The following YAP1 variants were observed in gnomAD, a reference collection of about 807,000 sequenced individuals.
YAP1 encodes transcriptional coactivator YAP1.
Under a neutral mutation model 56.9 loss-of-function variants are expected in YAP1, and 5 were observed. The ratio of observed to expected loss-of-function variants is 0.09; its 90% CI spans 0.05 to 0.18. The LOEUF is 0.18. Among genes scored for constraint, YAP1 ranks in the 10% least tolerant of loss-of-function variants. The probability of loss-of-function intolerance (pLI) is 1.00; values close to 1 mark genes in which losing one functional copy is unlikely to be tolerated. For missense variants in YAP1, 539 were observed against 651.8 expected (o/e 0.83, Z 1.88); for synonymous variants, 265 against 248.1 (o/e 1.07, Z -0.64).
chr11:102,139,956 T>C (rs1196846135), intron 2 of YAP1, among the ~76,000 whole-genome samples: 2 of 152,198 alleles, frequency 1.3e-5, no homozygotes, highest in African/African-American at 4.8e-5. Context: ...TATCTGAATT[T>C]GGCTGGAAAA....
chr11:102,116,559 C>G lies in YAP1; in HGVS notation c.572+2165C>G, dbSNP rs191752488. Among the ~76,000 whole-genome samples, 9 of 152,222 alleles carry G rather than the reference C, an allele frequency of 5.9e-5. No individual in the cohort carries two copies. In the East Asian group the frequency reaches 1.7e-3, roughly 29 times the overall value. ...CCAACCCCAGTCACCTCAATTCACC[C>G]CTGTCAACTATGGGCCTGTAAGGAA... is the stretch of plus-strand genomic sequence containing the variant. On this transcript the variant is annotated intron_variant, in intron 2 of 8. Transcript: ENST00000282441.
intron 2 of YAP1, among the ~76,000 whole-genome samples, chr11:102,138,094 C>T (rs1442032329): frequency 1.3e-5 from 2 of 152,168 alleles, no homozygotes; most frequent in African/African-American, 4.8e-5. Context: ...GCCATGTTGG[C>T]CAGGCTGGTC....
At chr11:102,113,133 A>T (rs969430573) in intron 1 of YAP1, among the ~76,000 whole-genome samples, 1 of 152,210 alleles carries the variant, frequency 6.6e-6, no homozygotes, top group Non-Finnish European at 1.5e-5. Context: ...GACTCTACTG[A>T]GTCCTTCCAG....
chr11:102,112,425 C>CTTTTTTTT (rs751339753), intron 1 of YAP1: 17 of 827,350 alleles, frequency 2.1e-5, no homozygotes, highest in African/African-American at 9.7e-5. Context: ...ATTTCTTCTT[C>CTTTTTTTT]TTTTTTTTTT....
intron 6 of YAP1, among the ~76,000 whole-genome samples, chr11:102,218,712 A>AT (rs1163900013): frequency 3.7e-4 from 56 of 152,280 alleles, no homozygotes; most frequent in African/African-American, 1.3e-3. Flanking sequence ...GTGTTTCCAT[A>AT]GCCCTTCAAG....
intron 8 of YAP1, among the ~76,000 whole-genome samples, chr11:102,229,406 C>T (rs577515393): frequency 1.3e-5 from 2 of 152,212 alleles, no homozygotes; most frequent in South Asian, 2.1e-4. Flanking sequence ...TTCTTTCTCC[C>T]GCTGCTGCAT....
intron 4 of YAP1, among the ~76,000 whole-genome samples, chr11:102,194,691 T>A (rs1347134588): frequency 1.3e-5 from 2 of 152,146 alleles, no homozygotes; most frequent in Non-Finnish European, 2.9e-5. Flanking sequence ...GGGAGGTTTT[T>A]CAAAAAGGCA....
intron 1 of YAP1, 67 bp downstream of exon 1, chr11:102,111,236 G>T: frequency 1.9e-6 from 3 of 1,580,598 alleles, no homozygotes; most frequent in Non-Finnish European, 2.6e-6. Flanking sequence ...GCGCTCGGGA[G>T]CCGCGGCCGC....
chr11:102,186,847 T>TGTGTGTGTG (rs1555013227), intron 4 of YAP1, among the ~76,000 whole-genome samples: 4 of 151,452 alleles, frequency 2.6e-5, no homozygotes, highest in East Asian at 1.9e-4. Flanking sequence ...TGTGTGTGTG[T>TGTGTGTGTG]TTTAAACTGT....
At chr11:102,119,780 C>T (rs182548279) in intron 2 of YAP1, among the ~76,000 whole-genome samples, 1 of 152,152 alleles carries the variant, frequency 6.6e-6, no homozygotes, top group East Asian at 1.9e-4. Flanking sequence ...TCTGCATTGC[C>T]TTGTACCTTA....
In YAP1 at chr11:102,205,942, C is replaced by T; in HGVS notation, c.852C>T (p.Pro284=). 1 of 1,610,922 alleles carries T rather than the reference C, an allele frequency of 6.2e-7. No homozygotes were observed. The change falls in exon 5 of 9, where the codon CCC becomes CCT. Residue 284 remains proline, a synonymous_variant. Coordinates refer to ENST00000282441, the MANE Select transcript of YAP1 (RefSeq NM_001130145.3). ...GTGCTCCAGTGAAACAGCCACCACC[C>T]CTGGCTCCCCAGAGCCCACAGGGAG... The part of the protein sequence containing the change: ...SQSAPVKQPP[P]LAPQSPQGGV...
intron 2 of YAP1, among the ~76,000 whole-genome samples, chr11:102,150,744 T>G (rs189723022): frequency 1.3e-5 from 2 of 150,808 alleles, no homozygotes; most frequent in African/African-American, 4.8e-5. Context: ...TAATAGAACC[T>G]TGTCAAAAAA....
chr11:102,138,213 G>T (rs1356779256), intron 2 of YAP1, among the ~76,000 whole-genome samples: 1 of 152,180 alleles, frequency 6.6e-6, no homozygotes, highest in African/African-American at 2.4e-5. Flanking sequence ...TTGGTGCATT[G>T]GTTATCTTTT....
At chr11:102,179,755 T>C (rs1182928377) in intron 3 of YAP1, among the ~76,000 whole-genome samples, 1 of 152,220 alleles carries the variant, frequency 6.6e-6, no homozygotes, top group Non-Finnish European at 1.5e-5. Flanking sequence ...TACTGTCTTC[T>C]ATCTGGAACA....
At chr11:102,139,505 G>C (rs1285677503) in intron 2 of YAP1, among the ~76,000 whole-genome samples, 1 of 152,136 alleles carries the variant, frequency 6.6e-6, no homozygotes, top group Admixed American at 6.6e-5. Context: ...ACTTTGTAAA[G>C]AGCAAGGGTT....
chr11:102,124,249 G>A (rs1023252031), intron 2 of YAP1, among the ~76,000 whole-genome samples: 7 of 152,240 alleles, frequency 4.6e-5, no homozygotes, highest in Non-Finnish European at 7.4e-5. Context: ...TGCTGCGCCC[G>A]GCACTCCATT....
At chr11:102,139,171 C>G (rs1259863687) in intron 2 of YAP1, among the ~76,000 whole-genome samples, 1 of 151,200 alleles carries the variant, frequency 6.6e-6, no homozygotes, top group Non-Finnish European at 1.5e-5. Context: ...CACTGTGATT[C>G]ATACTCCCAA....
chr11:102,151,452 C>T (rs1945653086), intron 2 of YAP1, among the ~76,000 whole-genome samples: 1 of 152,222 alleles, frequency 6.6e-6, no homozygotes, highest in Non-Finnish European at 1.5e-5. Flanking sequence ...GTGTCCTCCT[C>T]TGTATCACTA....
intron 7 of YAP1, among the ~76,000 whole-genome samples, chr11:102,226,113 T>G (rs780877415): frequency 2.6e-5 from 4 of 152,218 alleles, no homozygotes; most frequent in Non-Finnish European, 4.4e-5. Flanking sequence ...AGCAGCCGAA[T>G]AGAGTGATGA....
Sources: allele counts gnomAD v4.1 joint callset (sites outside exome capture counted in the v4.1 genomes callset), GRCh38; gene constraint gnomAD v4.1.1; transcripts MANE v1.5; gene names NCBI Gene and HGNC (gene_info 2026-07-23, HGNC 2026-07-21).